The following COL5A2 variants were observed in gnomAD, a reference collection of about 807,000 sequenced individuals.
COL5A2 encodes collagen type V alpha 2 chain, also known as collagen alpha-2(V) chain.
In COL5A2, 23 loss-of-function variants were observed where a neutral mutation model predicts 208.2. That is an observed-to-expected ratio of 0.11 (90% CI 0.08 to 0.16). The LOEUF is 0.16. COL5A2 is among the 10% of genes least tolerant of loss of function. COL5A2 has a pLI of 1.00. For missense variants in COL5A2, 1,590 were observed against 1,956.4 expected (o/e 0.81, Z 3.53); for synonymous variants, 625 against 628.5 (o/e 0.99, Z 0.08).
At chr2:189,154,041 T>C (rs1442834879) in intron 1 of COL5A2, among the ~76,000 whole-genome samples, 1 of 152,104 alleles carries the variant, frequency 6.6e-6, no homozygotes, top group Non-Finnish European at 1.5e-5. Flanking sequence ...TAACTACACA[T>C]TTTATGAGTC....
At chr2:189,359,185 G>C in the COL5A2 span, among the ~76,000 whole-genome samples, 1 of 152,144 alleles carries the variant, frequency 6.6e-6, no homozygotes, top group Non-Finnish European at 1.5e-5. Context: ...TCACCATTGA[G>C]TATGATATTA....
intron 1 of COL5A2, among the ~76,000 whole-genome samples, chr2:189,199,010 T>A (rs1354848405): frequency 6.6e-6 from 1 of 152,178 alleles, no homozygotes. Context: ...CTATAACACT[T>A]ACTAACCTAA....
chr2:189,338,449 A>G, the COL5A2 span, among the ~76,000 whole-genome samples: 1 of 151,308 alleles, frequency 6.6e-6, no homozygotes, highest in African/African-American at 2.4e-5. Context: ...AACCAGCTCC[A>G]CTCCACTCCA....
the COL5A2 span, among the ~76,000 whole-genome samples, chr2:189,365,668 C>G: frequency 6.6e-6 from 1 of 152,106 alleles, no homozygotes. Context: ...TGTTACTGAC[C>G]CTTGGTCAAA....
intron 31 of COL5A2, among the ~76,000 whole-genome samples, chr2:189,059,496 C>T (rs1292297472): frequency 1.3e-5 from 2 of 150,740 alleles, no homozygotes; most frequent in African/African-American, 4.9e-5. Context: ...CAATCTTATT[C>T]TCCGAAATGG....
intron 42 of COL5A2, among the ~76,000 whole-genome samples, chr2:189,050,971 A>G (rs1180236439): frequency 2.6e-5 from 4 of 152,168 alleles, no homozygotes; most frequent in Non-Finnish European, 2.9e-5. Context: ...ATAAAAAGAC[A>G]AAAAGAAAGT....
chr2:189,163,096 C>A (rs1688400577), intron 1 of COL5A2, among the ~76,000 whole-genome samples: 1 of 151,952 alleles, frequency 6.6e-6, no homozygotes, highest in South Asian at 2.1e-4. Flanking sequence ...GGTAAAAGCC[C>A]ACAACCATTT....
chr2:189,167,291 TTATTA>T (rs1266522741), intron 1 of COL5A2, among the ~76,000 whole-genome samples: 1 of 152,182 alleles, frequency 6.6e-6, no homozygotes, highest in Admixed American at 6.5e-5. Context: ...CAATTCTATT[TTATTA>T]TGTCATCCTT....
chr2:189,312,039 T>C, the COL5A2 span: 2 of 756,456 alleles, frequency 2.6e-6, no homozygotes, highest in African/African-American at 3.4e-5. Context: ...TGTCTCATAC[T>C]TGACTCTGAA....
intron 1 of COL5A2, among the ~76,000 whole-genome samples, chr2:189,216,822 G>A (rs1689284907): frequency 6.6e-6 from 1 of 152,120 alleles, no homozygotes; most frequent in Non-Finnish European, 1.5e-5. Flanking sequence ...TGGACACATT[G>A]TGTATACTCA....
At chr2:189,071,313 C>A (rs762954760) in intron 18 of COL5A2, among the ~76,000 whole-genome samples, 1 of 152,166 alleles carries the variant, frequency 6.6e-6, no homozygotes, top group Non-Finnish European at 1.5e-5. Context: ...GGAAACATGG[C>A]ATCAGGGGAA....
the COL5A2 span, among the ~76,000 whole-genome samples, chr2:189,424,878 T>A: frequency 6.6e-6 from 1 of 152,182 alleles, no homozygotes. Context: ...AGACCAAAGC[T>A]AGAGGCATCA....
chr2:189,355,461 C>G, the COL5A2 span, among the ~76,000 whole-genome samples: 1 of 152,136 alleles, frequency 6.6e-6, no homozygotes, highest in Admixed American at 6.6e-5. Context: ...AGTCTGGGTG[C>G]TCCTGTATTG....
chr2:189,197,415 C>T (rs1576583279), intron 1 of COL5A2, among the ~76,000 whole-genome samples: 1 of 152,078 alleles, frequency 6.6e-6, no homozygotes, highest in South Asian at 2.1e-4. Context: ...CAAACCTACA[C>T]ATTCTGTACT....
intron 17 of COL5A2, among the ~76,000 whole-genome samples, chr2:189,075,066 T>G (rs982867654): frequency 2.6e-5 from 4 of 152,202 alleles, no homozygotes; most frequent in Admixed American, 2.6e-4. Flanking sequence ...CTGAGCCCAC[T>G]GTGTTTTGTC....
In COL5A2 at chr2:189,057,320, T is replaced by G; in HGVS notation, c.2337A>C (p.Arg779Ser). 1 of 1,053,474 alleles carries G rather than the reference T, an allele frequency of 9.5e-7. No homozygotes were observed. The highest frequency in any genetic ancestry group is 1.5e-6 in the Non-Finnish European group (1 of 689,376). The allele number at this position is 1,053,474 out of a possible 1,614,324, so 65.3% of individuals were successfully genotyped here. ...AAAAAAAAAAAAAAAAAGGACTTACTCTGTCACCCTTGGGGCCAGGAGTTC... is the reference window on the plus strand; with the variant it reads ...AAAAAAAAAAAAAAAAAGGACTTACGCTGTCACCCTTGGGGCCAGGAGTTC... The part of the protein sequence containing the change: ...IAGTPGPKGD[R>S]GGIGEKGAEG... Residue 779 changes from arginine (R) to serine (S), a missense_variant and splice_region_variant, in exon 34 of 54, where the codon AGA becomes AGC. Physicochemically the swap from Arg to Ser is moderately radical, Grantham distance 110 (BLOSUM62 -1). Coordinates refer to ENST00000374866, the MANE Select transcript of COL5A2 (RefSeq NM_000393.5).
chr2:189,372,126 C>G, the COL5A2 span, among the ~76,000 whole-genome samples: 5 of 152,216 alleles, frequency 3.3e-5, no homozygotes, highest in Non-Finnish European at 5.9e-5. Flanking sequence ...GCCCCACATA[C>G]AGCTCAAGCC....
rs933497532 is a variant in COL5A2 at position 189,179,428 on chromosome 2, G to T, written c.97+80C>A. ...CTTCAAACCAGAACCTCCTCTTCAC[G>T]CTCTTCCTGAGGCTTAACATTCCAC... is the stretch of plus-strand genomic sequence containing the variant. On this transcript the variant is annotated intron_variant, in intron 1 of 53. Transcript: ENST00000374866. 20 of 1,499,674 alleles carry T rather than the reference G, an allele frequency of 1.3e-5. No individual in the cohort carries two copies. In the African/African-American group the frequency reaches 2.6e-4, roughly 20 times the overall value. The allele number at this position is 1,499,674 out of a possible 1,614,324, so 92.9% of individuals were successfully genotyped here.
At chr2:189,155,958 A>AGAGTG (rs1688238177) in intron 1 of COL5A2, among the ~76,000 whole-genome samples, 1 of 152,148 alleles carries the variant, frequency 6.6e-6, no homozygotes, top group East Asian at 1.9e-4. Flanking sequence ...CAGAACCAGA[A>AGAGTG]GAGTGGTATC....
Sources: gnomAD v4.1 joint callset for allele counts (sites outside exome capture counted in the v4.1 genomes callset) on GRCh38, gnomAD v4.1.1 for gene constraint, MANE v1.5 for transcripts, NCBI Gene and HGNC (gene_info 2026-07-23, HGNC 2026-07-21) for gene names.